The following RHOJ variants were observed in gnomAD, a reference collection of about 807,000 sequenced individuals.
The protein encoded by RHOJ is rho-related GTP-binding protein RhoJ.
In RHOJ, 11 loss-of-function variants were observed where a neutral mutation model predicts 23.4. That is an observed-to-expected ratio of 0.47 (90% CI 0.30 to 0.78). The LOEUF is 0.78. Among genes scored for constraint, RHOJ ranks in the 30% least tolerant of loss-of-function variants. The pLI is 0.08. For synonymous variants in RHOJ, 102 were observed against 102.7 expected (o/e 0.99, Z 0.04); for missense variants, 254 against 273.4 (o/e 0.93, Z 0.50).
chr14:63,268,895 T>G (rs1895414700), intron 1 of RHOJ, among the ~76,000 whole-genome samples: 2 of 152,180 alleles, frequency 1.3e-5, no homozygotes, highest in Admixed American at 1.3e-4. Context: ...TTTTGAGAAA[T>G]TTGGACTTGG....
chr14:63,267,696 T>C (rs540652625), intron 1 of RHOJ, among the ~76,000 whole-genome samples: 1 of 152,230 alleles, frequency 6.6e-6, no homozygotes, highest in East Asian at 1.9e-4. Context: ...CCATTCCTAT[T>C]GCTAGCCTGA....
intron 1 of RHOJ, among the ~76,000 whole-genome samples, chr14:63,244,010 C>G (rs2139633958): frequency 6.6e-6 from 1 of 152,290 alleles, no homozygotes; most frequent in South Asian, 2.1e-4. Context: ...AATTGATTAA[C>G]AGTACATATT....
At position 63,269,103 on chromosome 14, in the gene RHOJ, C is replaced by T; in HGVS notation, c.179-7C>T. On this transcript the variant is annotated splice_region_variant and splice_polypyrimidine_tract_variant and intron_variant, in intron 1 of 4. Coordinates refer to ENST00000316754, the MANE Select transcript of RHOJ (RefSeq NM_020663.5). The stretch of plus-strand genomic sequence containing the variant: ...CTCCTCTTCTTTTCTTTTCTCTTCT[C>T]CCCTAGTTACTGTGACTGTGGGAGG... The T allele has an allele frequency of 6.2e-7, 1 of 1,607,738 alleles. No homozygotes were observed. The highest frequency in any genetic ancestry group is 8.5e-7 in the Non-Finnish European group (1 of 1,174,506).
rs564375527 is a variant in RHOJ at position 63,257,347 on chromosome 14, C to T, written c.179-11763C>T. The stretch of plus-strand genomic sequence containing the variant: ...GCCAAGCCCAGCTCAGGCTGAGTTG[C>T]CCTTCCAGGCAGAGCCAGCTTAGAC... On this transcript the variant is annotated intron_variant, in intron 1 of 4. Transcript: ENST00000316754. Among the ~76,000 whole-genome samples, 125 of 149,976 alleles carry T rather than the reference C, an allele frequency of 8.3e-4. 7 individuals carry two copies. The highest frequency in any genetic ancestry group is 1.4e-3 in the Non-Finnish European group (95 of 67,438).
intron 1 of RHOJ, among the ~76,000 whole-genome samples, chr14:63,216,558 C>A (rs577975514): frequency 1.3e-5 from 2 of 152,294 alleles, no homozygotes; most frequent in Admixed American, 1.3e-4. Flanking sequence ...CAAGGCTATG[C>A]TCTCTCTCCT....
intron 1 of RHOJ, among the ~76,000 whole-genome samples, chr14:63,219,318 TC>T (rs1894433005): frequency 6.6e-6 from 1 of 152,166 alleles, no homozygotes; most frequent in Non-Finnish European, 1.5e-5. Flanking sequence ...TTTTTCGACT[TC>T]TTTGAAAATG....
chr14:63,259,725 T>C (rs1372072324), intron 1 of RHOJ, among the ~76,000 whole-genome samples: 1 of 152,168 alleles, frequency 6.6e-6, no homozygotes, highest in Non-Finnish European at 1.5e-5. Flanking sequence ...CCATCAAATG[T>C]GAATCAGCAG....
chr14:63,257,014 G>A (rs962828291), intron 1 of RHOJ, among the ~76,000 whole-genome samples: 1 of 151,524 alleles, frequency 6.6e-6, no homozygotes, highest in African/African-American at 2.4e-5. Flanking sequence ...GGAAGTTGCA[G>A]TGAGCCAAGA....
Position 63,290,966 on chromosome 14 carries a change from A to AC in RHOJ, c.591dup (p.Lys198GlnfsTer9). ...GATGAAGCAATCCTCACCATTTTCC[A>AC]CCCCAAGAAAAAGAAGAAACGCTGT... is the stretch of plus-strand genomic sequence containing the variant. On this transcript the variant is annotated frameshift_variant, in exon 5 of 5. Coordinates refer to ENST00000316754, the MANE Select transcript of RHOJ (RefSeq NM_020663.5). LOFTEE classifies it high-confidence loss of function. 3 of 1,613,984 alleles carry AC rather than the reference A, an allele frequency of 1.9e-6. No homozygotes were observed. The highest frequency in any genetic ancestry group is 1.7e-5 in the Admixed American group (1 of 59,980).
intron 1 of RHOJ, among the ~76,000 whole-genome samples, chr14:63,267,751 G>C (rs1432627042): frequency 4.0e-5 from 6 of 151,138 alleles, no homozygotes; most frequent in Non-Finnish European, 8.8e-5. Context: ...TCTTCTGTCA[G>C]CATGGTAACC....
Position 63,204,968 on chromosome 14 carries a change from G to A in RHOJ, c.99G>A (p.Gly33=). Residue 33 remains glycine (G), a synonymous_variant, in exon 1 of 5, where the codon GGG becomes GGA. Coordinates refer to ENST00000316754, the MANE Select transcript of RHOJ (RefSeq NM_020663.5). The part of the protein sequence containing the change: ...KCVVVGDGAV[G]KTCLLMSYAN... ...TGGTGGTGGGGGACGGTGCCGTGGG[G>A]AAAACCTGCCTGCTGATGAGCTACG... 6.2e-7 allele frequency: 1 copy of A among 1,614,196 alleles called. No individual in the cohort carries two copies. Among genetic ancestry groups the A allele is most frequent in the South Asian group, 1.1e-5 (1 of 91,076 alleles).
intron 4 of RHOJ, among the ~76,000 whole-genome samples, chr14:63,288,897 T>C (rs181947515): frequency 7.6e-4 from 116 of 152,310 alleles, no homozygotes; most frequent in African/African-American, 2.7e-3. Flanking sequence ...AAGTGGACAA[T>C]CTCATTTCAT....
chr14:63,282,682 GAA>G lies in RHOJ; in HGVS notation c.403-424_403-423del, dbSNP rs199732507. ...GGATGAAGATTTTATTTGGAAAAGC[GAA>G]AAAAAAAAAAAAAAGATGGGTTCAA... On this transcript the variant is annotated intron_variant, in intron 3 of 4. Coordinates refer to ENST00000316754, the MANE Select transcript of RHOJ (RefSeq NM_020663.5). Among the ~76,000 whole-genome samples, 303 of 73,140 alleles carry G rather than the reference GAA, an allele frequency of 4.1e-3. 2 individuals carry two copies. The highest frequency in any genetic ancestry group is 5.9e-3 in the Non-Finnish European group (169 of 28,600). 48.0% of individuals were successfully genotyped at this position (73,140 alleles called of 152,430 possible).
intron 1 of RHOJ, among the ~76,000 whole-genome samples, chr14:63,222,756 T>A (rs1011937294): frequency 9.2e-5 from 14 of 152,194 alleles, no homozygotes; most frequent in Non-Finnish European, 1.9e-4. Flanking sequence ...TTGCAAAAAT[T>A]TTCTCCCATT....
In RHOJ at chr14:63,261,598, A is replaced by ATT. The variant is rs113442479; in HGVS notation, c.179-7498_179-7497dup. ...TGATACACACCACCATGCCCAGCTA[A>ATT]TTTTTTTTTTTTTTTCATGTTTTGT... On this transcript the variant is annotated intron_variant, in intron 1 of 4. Transcript: ENST00000316754. Among the ~76,000 whole-genome samples, 897 of 137,922 alleles carry ATT rather than the reference A, an allele frequency of 6.5e-3. 10 individuals carry two copies. Among genetic ancestry groups the ATT allele is most frequent in the African/African-American group, 0.021 (803 of 37,874 alleles). The allele number at this position is 137,922 out of a possible 152,430, so 90.5% of individuals were successfully genotyped here.
chr14:63,282,962 T>G (rs1314672230), intron 3 of RHOJ, among the ~76,000 whole-genome samples, 159 bp from the exon 4 acceptor site: 2 of 152,214 alleles, frequency 1.3e-5, no homozygotes, highest in Non-Finnish European at 2.9e-5. Flanking sequence ...ATGGCTTTAC[T>G]TTTTTAGACA....
At position 63,291,089 on chromosome 14, in the gene RHOJ, G is replaced by A. The variant is rs755340400; in HGVS notation, c.*65G>A. 4 of 1,588,874 alleles carry A rather than the reference G, an allele frequency of 2.5e-6. No individual in the cohort carries two copies. The highest frequency in any genetic ancestry group is 3.3e-5 in the Admixed American group (2 of 60,000). Reference sequence around the variant, plus strand: ...AATGGCAGCCAATCTCTGTGGCCAAGCTCCAGCCAAAAAGGAGGGCACGAC... The same window carrying A: ...AATGGCAGCCAATCTCTGTGGCCAAACTCCAGCCAAAAAGGAGGGCACGAC... On this transcript the variant is annotated 3_prime_UTR_variant, in exon 5 of 5. Transcript: ENST00000316754.
intron 2 of RHOJ, among the ~76,000 whole-genome samples, chr14:63,280,057 T>C (rs553958512): frequency 6.6e-6 from 1 of 152,340 alleles, no homozygotes; most frequent in Non-Finnish European, 1.5e-5. Flanking sequence ...AGGGTCTTGC[T>C]GTGTTGCCCA....
At chr14:63,279,160 G>C (rs927785449) in intron 2 of RHOJ, among the ~76,000 whole-genome samples, 2 of 152,174 alleles carry the variant, frequency 1.3e-5, no homozygotes, top group African/African-American at 4.8e-5. Context: ...TACATGTTTT[G>C]TAAGTTTCTG....
Sources: allele counts gnomAD v4.1 joint callset (sites outside exome capture counted in the v4.1 genomes callset), GRCh38; gene constraint gnomAD v4.1.1; transcripts MANE v1.5; gene names NCBI Gene and HGNC (gene_info 2026-07-23, HGNC 2026-07-21).